Variants in RNF169 observed in about 807,000 individuals in gnomAD.
RNF169 encodes ring finger protein 169, also known as E3 ubiquitin-protein ligase RNF169.
RNF169 carries 24 observed loss-of-function variants against 53.9 expected under a neutral mutation model. That is an observed-to-expected ratio of 0.45 (90% CI 0.32 to 0.63). RNF169 has a LOEUF of 0.63. Among genes scored for constraint, RNF169 ranks in the 20% least tolerant of loss-of-function variants. The pLI, the probability that RNF169 is intolerant of heterozygous loss-of-function variation, is 0.04. For missense variants in RNF169, 883 were observed against 906.2 expected (o/e 0.97, Z 0.33); for synonymous variants, 396 against 363.5 (o/e 1.09, Z -1.02).
At chr11:74,771,097 C>T (rs961069766) in intron 1 of RNF169, among the ~76,000 whole-genome samples, 2 of 152,122 alleles carry the variant, frequency 1.3e-5, no homozygotes, top group Non-Finnish European at 2.9e-5. Flanking sequence ...CGTGAACCAC[C>T]GTGCCTGGCC....
At chr11:74,799,545 C>G (rs543468618) in intron 2 of RNF169, among the ~76,000 whole-genome samples, 63 of 152,206 alleles carry the variant, frequency 4.1e-4, no homozygotes, top group African/African-American at 1.5e-3. Flanking sequence ...TGTTTAGGGT[C>G]AGGATCAGTA....
chr11:74,761,823 T>G (rs558460006), intron 1 of RNF169, among the ~76,000 whole-genome samples: 35 of 146,298 alleles, frequency 2.4e-4, no homozygotes, highest in African/African-American at 8.7e-4. Context: ...TGGCGTTCTC[T>G]GTATTTCCTG....
At chr11:74,760,074 C>G (rs1333053586) in intron 1 of RNF169, among the ~76,000 whole-genome samples, 2 of 151,500 alleles carry the variant, frequency 1.3e-5, no homozygotes, top group East Asian at 1.9e-4. Context: ...TCCATTTCTT[C>G]TAGATTTTCT....
Position 74,835,882 on chromosome 11 carries a change from A to G in RNF169, c.1279A>G (p.Ser427Gly). The G allele has an allele frequency of 6.2e-7, 1 of 1,614,224 alleles. No homozygotes were observed. Among genetic ancestry groups the G allele is most frequent in the Non-Finnish European group, 8.5e-7 (1 of 1,180,032 alleles). Residue 427 changes from serine (S) to glycine (G), a missense_variant, in exon 6 of 6, where the codon AGT (serine) becomes GGT (glycine). Physicochemically the swap from Ser to Gly is moderately conservative, Grantham distance 56 (BLOSUM62 0). This residue lies in a region of RNF169 where 351 missense variants were observed against 337.3 expected (regional missense o/e 1.04). Coordinates refer to ENST00000299563, the MANE Select transcript of RNF169 (RefSeq NM_001098638.2). Reference protein sequence around the residue: ...SLQKQTSYEASPRILKKWEQI... With the variant: ...SLQKQTSYEAGPRILKKWEQI... ...GCAGAAGCAGACTTCTTATGAGGCC[A>G]GTCCACGGATCCTCAAAAAGTGGGA...
intron 4 of RNF169, among the ~76,000 whole-genome samples, chr11:74,819,855 C>T (rs1044129562): frequency 2.0e-5 from 3 of 152,156 alleles, no homozygotes; most frequent in Admixed American, 1.3e-4. Flanking sequence ...GATCTGTGTT[C>T]TACTTAGTAG....
In RNF169 at chr11:74,837,755, T is replaced by TAG. The variant is rs1259141727; in HGVS notation, c.*1026_*1027insGA. Reference sequence around the variant, plus strand: ...CTGAAGTCAGGCAAGGAACAATACTTAAACTCCATACTATGGAAACAAGGT... The same window carrying TAG: ...CTGAAGTCAGGCAAGGAACAATACTTAGAAACTCCATACTATGGAAACAAGGT... On this transcript the variant is annotated 3_prime_UTR_variant, in exon 6 of 6. Transcript: ENST00000299563. 6.6e-6 allele frequency: 1 copy of TAG among 152,242 alleles called. No individual in the cohort carries two copies. The highest frequency in any genetic ancestry group is 1.5e-5 in the Non-Finnish European group (1 of 68,046). 9.4% of individuals were successfully genotyped at this position (152,242 alleles called of 1,614,324 possible).
At chr11:74,834,654 T>C (rs1357665476) in intron 4 of RNF169, 22 bp from the exon 5 acceptor site, 1 of 1,587,166 alleles carries the variant, frequency 6.3e-7, no homozygotes, top group African/African-American at 1.4e-5. Flanking sequence ...TGACTACTCG[T>C]TTTTTATTTA....
chr11:74,766,174 A>G (rs187253379), intron 1 of RNF169, among the ~76,000 whole-genome samples: 65 of 152,364 alleles, frequency 4.3e-4, no homozygotes, highest in Non-Finnish European at 7.2e-4. Flanking sequence ...AAAGTGTAAC[A>G]TGGCAGCTGA....
chr11:74,759,434 T>C (rs1397513068), intron 1 of RNF169, among the ~76,000 whole-genome samples: 1 of 114,612 alleles, frequency 8.7e-6, no homozygotes, highest in African/African-American at 3.5e-5. Flanking sequence ...CAGTATGATA[T>C]TGGCTGTGGG....
chr11:74,808,202 A>AT, intron 2 of RNF169: 1 of 152,320 alleles, frequency 6.6e-6, no homozygotes, highest in East Asian at 1.9e-4. Context: ...AAAAAATAAA[A>AT]TTAAGAAAAA....
At chr11:74,766,205 A>G (rs575087559) in intron 1 of RNF169, among the ~76,000 whole-genome samples, 1 of 152,358 alleles carries the variant, frequency 6.6e-6, no homozygotes, top group South Asian at 2.1e-4. Flanking sequence ...AATAGAAAGT[A>G]TGACTAGAAA....
rs1290527538 is a variant in RNF169 at position 74,757,103 on chromosome 11, C to T, written c.502+7721C>T. ...TGCTGGTGCGCTGCACCCACTAACT[C>T]GTCATCTAGCATTAGGTATATCTCC... On this transcript the variant is annotated intron_variant, in intron 1 of 5. Coordinates refer to ENST00000299563, the MANE Select transcript of RNF169 (RefSeq NM_001098638.2). 3.9e-3 allele frequency among the ~76,000 whole-genome samples: 523 copies of T among 133,798 alleles called. 4 individuals are homozygous for T. Among genetic ancestry groups the T allele is most frequent in the Non-Finnish European group, 4.6e-3 (296 of 63,844 alleles). The allele number at this position is 133,798 out of a possible 152,430, so 87.8% of individuals were successfully genotyped here.
intron 1 of RNF169, among the ~76,000 whole-genome samples, chr11:74,772,130 A>C (rs1433932302): frequency 1.3e-5 from 2 of 149,190 alleles, no homozygotes; most frequent in East Asian, 3.9e-4. Flanking sequence ...AATTTGAATT[A>C]GTTCTATGAA....
intron 1 of RNF169, among the ~76,000 whole-genome samples, chr11:74,785,495 T>C (rs2035487302): frequency 6.6e-6 from 1 of 151,362 alleles, no homozygotes; most frequent in Admixed American, 6.6e-5. Context: ...AGGGTACAGC[T>C]AAGATAGAAC....
intron 3 of RNF169, among the ~76,000 whole-genome samples, chr11:74,815,607 A>T (rs1027809233): frequency 3.3e-5 from 5 of 152,204 alleles, no homozygotes; most frequent in African/African-American, 1.2e-4. Context: ...AATTTTTCTT[A>T]AAAGATTAAT....
rs1179709605 is a variant in RNF169, at chr11:74,836,577, G to T, written c.1974G>T (p.Glu658Asp). 1 of 1,614,020 alleles carries T rather than the reference G, an allele frequency of 6.2e-7. No homozygotes were observed. The highest frequency in any genetic ancestry group is 1.1e-5 in the South Asian group (1 of 91,092). Residue 658 changes from glutamate to aspartate, a missense_variant, in exon 6 of 6, where the codon GAG becomes GAT. Glu to Asp is a conservative substitution (Grantham distance 45, BLOSUM62 2). Transcript: ENST00000299563. ...GLAPTDPVLR[E>D]MEQKLQQEEE... ...CCCCAACAGACCCAGTCCTGCGAGA[G>T]ATGGAGCAGAAGCTTCAGCAAGAGG...
chr11:74,763,935 C>T (rs1021488973), intron 1 of RNF169, among the ~76,000 whole-genome samples: 1 of 152,182 alleles, frequency 6.6e-6, no homozygotes, highest in Non-Finnish European at 1.5e-5. Context: ...CAGCCTTGAC[C>T]TCCCAGGCTC....
intron 1 of RNF169, among the ~76,000 whole-genome samples, chr11:74,774,137 C>T (rs539922538): frequency 6.6e-6 from 1 of 151,894 alleles, no homozygotes; most frequent in South Asian, 2.1e-4. Context: ...GCCAGGAGTT[C>T]GAGACCAGCC....
chr11:74,804,315 G>A (rs2035774665), intron 2 of RNF169, among the ~76,000 whole-genome samples: 1 of 152,106 alleles, frequency 6.6e-6, no homozygotes, highest in Non-Finnish European at 1.5e-5. Context: ...GAATAAATAG[G>A]TTAGGAAACG....
Sources: gnomAD v4.1 joint callset for allele counts (sites outside exome capture counted in the v4.1 genomes callset) on GRCh38, gnomAD v4.1.1 for gene constraint, gnomAD v4.1.1 regional missense constraint, MANE v1.5 for transcripts, NCBI Gene and HGNC (gene_info 2026-07-23, HGNC 2026-07-21) for gene names.